Variants in KIAA0825 observed in about 807,000 individuals in gnomAD.
KIAA0825 encodes uncharacterized protein KIAA0825.
Under a neutral mutation model 147.6 loss-of-function variants are expected in KIAA0825, and 119 were observed. That is an observed-to-expected ratio of 0.81 (90% CI 0.69 to 0.94). The LOEUF is 0.94. Ranked by LOEUF, KIAA0825 falls within the 40% of genes least tolerant of loss-of-function variation. The pLI is 0.00. For missense variants in KIAA0825, 1,381 were observed against 1,472.7 expected, an observed-to-expected ratio of 0.94 and a Z score of 1.02; for synonymous variants, 470 against 518.1, an observed-to-expected ratio of 0.91 and a Z score of 1.26.
Position 94,154,016 on chromosome 5 carries a change from C to T in KIAA0825, c.3819G>A (p.Glu1273=). The change falls in exon 21 of 21, where the codon GAG becomes GAA. Residue 1273 remains glutamate, a synonymous_variant. Transcript: ENST00000682413. ...PQNSSASDNI[E]EQ is the part of the protein sequence containing the mutation. ...TGCTGTTTTCTGCAGATTACTGTTC[C>T]TCTATGTTATCTGAGGCAGAAGAGT... 1 of 1,549,318 alleles carries T rather than the reference C, an allele frequency of 6.5e-7. No homozygotes were observed. Among genetic ancestry groups the T allele is most frequent in the Non-Finnish European group, 8.7e-7 (1 of 1,144,926 alleles).
rs74553769 is a variant in KIAA0825 at position 94,576,985 on chromosome 5, C to T, written c.-2+5448G>A. On this transcript the variant is annotated intron_variant, in intron 2 of 20. Transcript: ENST00000682413. ...GTTTAAAAGATGCACAGCAATTTAA[C>T]GTATGTGTGTACACACATATCTCAA... Among the ~76,000 whole-genome samples, 1,051 of 152,288 alleles carry T rather than the reference C, an allele frequency of 6.9e-3. 14 individuals carry two copies. The highest frequency in any genetic ancestry group is 0.023 in the African/African-American group (971 of 41,566).
intron 12 of KIAA0825, among the ~76,000 whole-genome samples, chr5:94,457,362 T>C (rs1474034515): frequency 2.6e-5 from 4 of 152,250 alleles, no homozygotes; most frequent in African/African-American, 4.8e-5. Context: ...AGAATTTTGA[T>C]ACAGCAAATT....
chr5:94,462,511 A>T lies in KIAA0825; in HGVS notation c.2122T>A (p.Ser708Thr). 1 of 1,543,940 alleles carries T rather than the reference A, an allele frequency of 6.5e-7. No homozygotes were observed. The highest frequency in any genetic ancestry group is 1.2e-5 in the South Asian group (1 of 82,580). The change falls in exon 12 of 21, where the codon TCT becomes ACT. Residue 708 changes from serine to threonine, a missense_variant. Transcript: ENST00000682413. The part of the protein sequence containing the change: ...TENMLWSVCT[S>T]VQKLLNPHQH... ...TGAGGATTCAAAAGTTTCTGTACAG[A>T]TGTACAAACTGACCATAACATGTTC...
intron 15 of KIAA0825, among the ~76,000 whole-genome samples, chr5:94,409,978 T>A (rs954175377): frequency 2.0e-5 from 3 of 151,982 alleles, no homozygotes; most frequent in African/African-American, 7.3e-5. Context: ...AGAAATATGA[T>A]CCATAATCAA....
At chr5:94,511,600 C>T (rs1336321831) in intron 5 of KIAA0825, among the ~76,000 whole-genome samples, 1 of 151,678 alleles carries the variant, frequency 6.6e-6, no homozygotes, top group Non-Finnish European at 1.5e-5. Context: ...CCAGCCCAGG[C>T]AACAAGAGCG....
At chr5:94,201,138 G>A (rs1413447562) in intron 20 of KIAA0825, among the ~76,000 whole-genome samples, 1 of 150,272 alleles carries the variant, frequency 6.7e-6, no homozygotes, top group African/African-American at 2.4e-5. Context: ...GAAGGAACAG[G>A]TGCTTGAGAC....
At chr5:94,241,506 C>T (rs539929805) in intron 20 of KIAA0825, among the ~76,000 whole-genome samples, 6 of 152,192 alleles carry the variant, frequency 3.9e-5, no homozygotes, top group South Asian at 2.1e-4. Context: ...GTACTTACTG[C>T]GGGGTGGTGA....
chr5:94,192,153 C>T (rs1229443237), intron 20 of KIAA0825, among the ~76,000 whole-genome samples: 1 of 152,216 alleles, frequency 6.6e-6, no homozygotes, highest in Non-Finnish European at 1.5e-5. Context: ...CAACTTCCCA[C>T]GGGAAAGAAA....
intron 20 of KIAA0825, among the ~76,000 whole-genome samples, chr5:94,309,600 G>T (rs1049911762): frequency 2.0e-5 from 3 of 151,702 alleles, no homozygotes; most frequent in African/African-American, 7.3e-5. Flanking sequence ...GAGGCACTCA[G>T]CATTGAGCCT....
rs941538249 is a variant in KIAA0825, at chr5:94,440,055, A to G, written c.2424T>C (p.Cys808=). The part of the protein sequence containing the change: ...QLKLLLSQPR[C]NWNLLLETLL... Reference sequence around the variant, plus strand: ...GGGTTTCCAGAAGCAAGTTCCAGTTACAACGTGGCTGGGATAAGAGCAGTT... The same window carrying G: ...GGGTTTCCAGAAGCAAGTTCCAGTTGCAACGTGGCTGGGATAAGAGCAGTT... The change falls in exon 14 of 21, where the codon TGT becomes TGC. Residue 808 remains cysteine (C), a synonymous_variant. Coordinates refer to ENST00000682413, the MANE Select transcript of KIAA0825 (RefSeq NM_001145678.3). 4.5e-6 allele frequency: 7 copies of G among 1,551,600 alleles called. No individual in the cohort carries two copies. In the African/African-American group the frequency reaches 9.6e-5, roughly 21 times the overall value.
chr5:94,289,717 C>T (rs906039408), intron 20 of KIAA0825, among the ~76,000 whole-genome samples: 2 of 151,600 alleles, frequency 1.3e-5, no homozygotes, highest in Non-Finnish European at 2.9e-5. Flanking sequence ...AGTAAAATAA[C>T]AACCAAAGCA....
chr5:94,458,059 A>G, intron 12 of KIAA0825, among the ~76,000 whole-genome samples: 1 of 152,190 alleles, frequency 6.6e-6, no homozygotes, highest in East Asian at 1.9e-4. Flanking sequence ...GAGATAAGTG[A>G]GGACATGTGA....
chr5:94,533,282 T>C (rs1274181846), intron 3 of KIAA0825, among the ~76,000 whole-genome samples: 2 of 132,652 alleles, frequency 1.5e-5, no homozygotes, highest in Non-Finnish European at 3.2e-5. Context: ...CCGGCCTTTT[T>C]TTTTTTTTTT....
At chr5:94,305,919 G>A (rs534463221) in intron 20 of KIAA0825, among the ~76,000 whole-genome samples, 53 of 151,912 alleles carry the variant, frequency 3.5e-4, no homozygotes, top group Middle Eastern at 6.8e-3. Context: ...AAGTGATAGC[G>A]AACTTGTCAC....
intron 20 of KIAA0825, among the ~76,000 whole-genome samples, chr5:94,378,732 A>G (rs1747944533): frequency 6.6e-6 from 1 of 152,220 alleles, no homozygotes; most frequent in Non-Finnish European, 1.5e-5. Context: ...AGCAGTGTAT[A>G]AGCATTCCCT....
rs34401680 is a variant in KIAA0825, at chr5:94,499,585, T to TGG, written c.971-14657_971-14656dup. Reference sequence around the variant, plus strand: ...TATATTCATATTTTATTTCCCAATCTGGGGGGGGGGGGGGACCAAGGGTCT... The same window carrying TGG: ...TATATTCATATTTTATTTCCCAATCTGGGGGGGGGGGGGGGGACCAAGGGTCT... On this transcript the variant is annotated intron_variant, in intron 5 of 20. Coordinates refer to ENST00000682413, the MANE Select transcript of KIAA0825 (RefSeq NM_001145678.3). Among the ~76,000 whole-genome samples the TGG allele has an allele frequency of 4.7e-3, 325 of 69,592 alleles. 1 individual carries two copies. The highest frequency in any genetic ancestry group is 8.1e-3 in the South Asian group (9 of 1,110). 45.7% of individuals were successfully genotyped at this position (69,592 alleles called of 152,430 possible).
In KIAA0825 at chr5:94,418,079, A is replaced by G. The variant is rs565939467; in HGVS notation, c.2498-714T>C. ...AAATAATAATTTCTGTTTTCTATGG[A>G]TAATAAGCATGAGATGTGTACTATT... On this transcript the variant is annotated intron_variant, in intron 14 of 20. Transcript: ENST00000682413. Among the ~76,000 whole-genome samples the G allele has an allele frequency of 2.6e-5, 4 of 152,318 alleles. No homozygotes were observed. The South Asian group carries it at 8.3e-4, about 32-fold the overall frequency.
chr5:94,520,974 A>G (rs1768075263), intron 4 of KIAA0825, 57 bp from the exon 5 acceptor site: 4 of 1,317,534 alleles, frequency 3.0e-6, no homozygotes, highest in South Asian at 1.5e-5. Context: ...AATGATTTCT[A>G]TAGTCATATA....
intron 4 of KIAA0825, 45 bp from the exon 5 acceptor site, chr5:94,520,962 A>G: frequency 7.2e-7 from 1 of 1,390,460 alleles, no homozygotes; most frequent in South Asian, 1.4e-5. Context: ...TGCAATAGAA[A>G]AAATGATTTC....
Sources: gnomAD v4.1 joint callset for allele counts (sites outside exome capture counted in the v4.1 genomes callset) on GRCh38, gnomAD v4.1.1 for gene constraint, MANE v1.5 for transcripts, NCBI Gene and HGNC (gene_info 2026-07-23, HGNC 2026-07-21) for gene names.